ABCA8: variants seen among roughly 807,000 people sequenced by gnomAD.
The protein encoded by ABCA8 is ATP binding cassette subfamily A member 8, also known as ABC-type organic anion transporter ABCA8.
A neutral mutation model predicts 192.3 loss-of-function variants in ABCA8; 177 were observed. The observed-to-expected ratio is 0.92, with a 90% CI of 0.81 to 1.04. ABCA8 has a LOEUF of 1.04. Among genes scored for constraint, ABCA8 ranks in the 50% least tolerant of loss-of-function variants. The pLI is 0.00. For synonymous variants in ABCA8, 642 were observed against 690.2 expected, an observed-to-expected ratio of 0.93 and a Z score of 1.09; for missense variants, 1,915 against 1,904.8, an observed-to-expected ratio of 1.01 and a Z score of -0.10.
intron 24 of ABCA8, among the ~76,000 whole-genome samples, chr17:68,888,349 T>G (rs2066543591): frequency 6.6e-6 from 1 of 152,150 alleles, no homozygotes; most frequent in Non-Finnish European, 1.5e-5. Flanking sequence ...GTTTGTATAT[T>G]AAACTATTCT....
intron 24 of ABCA8, among the ~76,000 whole-genome samples, chr17:68,888,043 AT>A (rs1479610895): frequency 1.4e-5 from 2 of 143,840 alleles, no homozygotes; most frequent in African/African-American, 5.1e-5. Context: ...ATGTGTGTTT[AT>A]TTTATATACA....
chr17:68,952,895 C>T (rs1383834081), intron 1 of ABCA8, among the ~76,000 whole-genome samples: 2 of 152,004 alleles, frequency 1.3e-5, no homozygotes, highest in South Asian at 4.1e-4. Context: ...GTGATTGTTT[C>T]TGGGTATGTC....
rs147660337 is a variant in ABCA8, at chr17:68,933,934, G to T, written c.467-663C>A. Among the ~76,000 whole-genome samples the T allele has an allele frequency of 3.2e-4, 48 of 152,032 alleles. No individual in the cohort carries two copies. In the East Asian group the frequency reaches 8.1e-3, roughly 26 times the overall value. On this transcript the variant is annotated intron_variant, in intron 5 of 39. Coordinates refer to ENST00000586539, the MANE Select transcript of ABCA8 (RefSeq NM_001288985.2). ...AATGATATAAAAATACAATAAACAC[G>T]CATGGACTCACTACAAATTTGCAAA...
chr17:68,916,136 G>A (rs2067354431), intron 17 of ABCA8, among the ~76,000 whole-genome samples: 2 of 152,084 alleles, frequency 1.3e-5, no homozygotes, highest in African/African-American at 4.8e-5. Flanking sequence ...GGGTAGTGGG[G>A]TGGTGGGGAA....
At chr17:68,910,636 C>A (rs574185749) in intron 17 of ABCA8, among the ~76,000 whole-genome samples, 1 of 152,160 alleles carries the variant, frequency 6.6e-6, no homozygotes, top group African/African-American at 2.4e-5. Flanking sequence ...TTCACCCCCT[C>A]CCCCAACACC....
At chr17:68,937,483 T>C (rs746253189) in intron 4 of ABCA8, among the ~76,000 whole-genome samples, 7 of 152,190 alleles carry the variant, frequency 4.6e-5, no homozygotes, top group Non-Finnish European at 8.8e-5. Context: ...GGCACTGTTT[T>C]GTATCAGGTG....
chr17:68,931,950 CCTGTAATCCCAGCA>C, intron 7 of ABCA8: 1 of 192,928 alleles, frequency 5.2e-6, no homozygotes, highest in Non-Finnish European at 1.1e-5. Context: ...GTGGCTCGCG[CCTGTAATCCCAGCA>C]CTTTGGGAGG....
chr17:68,921,587 G>C lies in ABCA8; in HGVS notation c.1502-95C>G, dbSNP rs1327088567. 9 of 643,550 alleles carry C rather than the reference G, an allele frequency of 1.4e-5. No homozygotes were observed. In the East Asian group the frequency reaches 2.2e-4, roughly 16 times the overall value. 39.9% of individuals were successfully genotyped at this position (643,550 alleles called of 1,614,324 possible). ...TATTCCATTATGGAGCCAATGAATTGTTATTAATTCTCTTGAATGGTTGTC... is the reference window on the plus strand; with the variant it reads ...TATTCCATTATGGAGCCAATGAATTCTTATTAATTCTCTTGAATGGTTGTC... On this transcript the variant is annotated intron_variant, in intron 12 of 39. Transcript: ENST00000586539.
chr17:68,874,329 T>TA (rs2066146262), intron 37 of ABCA8, among the ~76,000 whole-genome samples: 1 of 152,238 alleles, frequency 6.6e-6, no homozygotes, highest in African/African-American at 2.4e-5. Context: ...ACTGCCTTCC[T>TA]AATAGAGGAT....
chr17:68,878,856 C>T (rs1056047884), intron 32 of ABCA8: 1 of 152,208 alleles, frequency 6.6e-6, no homozygotes, highest in Non-Finnish European at 1.5e-5. Flanking sequence ...TCTCTTCTTT[C>T]ATTAGTGGAG....
At chr17:68,916,742 G>A (rs1033545348) in intron 17 of ABCA8, among the ~76,000 whole-genome samples, 8 of 152,174 alleles carry the variant, frequency 5.3e-5, no homozygotes, top group Admixed American at 1.3e-4. Flanking sequence ...CTGGGAAGAT[G>A]AGAGATGATG....
At chr17:68,926,866 T>C (rs1421181082) in intron 10 of ABCA8, among the ~76,000 whole-genome samples, 1 of 152,198 alleles carries the variant, frequency 6.6e-6, no homozygotes, top group East Asian at 1.9e-4. Context: ...TGTGTATTCA[T>C]TGCTTTTTGA....
At chr17:68,928,948 A>T in intron 9 of ABCA8, 101 bp downstream of exon 9, 2 of 1,024,306 alleles carry the variant, frequency 2.0e-6, no homozygotes, top group African/African-American at 1.6e-5. Flanking sequence ...CTAGAATTTT[A>T]AGCCTTACAA....
intron 20 of ABCA8, 139 bp from the exon 21 acceptor site, chr17:68,903,018 C>T: frequency 2.4e-6 from 2 of 833,156 alleles, no homozygotes; most frequent in Non-Finnish European, 3.6e-6. Flanking sequence ...AGTATTTTGT[C>T]CTTTTACTAA....
intron 37 of ABCA8, 51 bp downstream of exon 37, chr17:68,875,209 C>T: frequency 6.2e-7 from 1 of 1,607,716 alleles, no homozygotes; most frequent in Non-Finnish European, 8.5e-7. Context: ...ACATAACTGA[C>T]AAGTAACAGT....
chr17:68,868,945 C>A (rs1221456858), intron 38 of ABCA8, among the ~76,000 whole-genome samples: 1 of 151,962 alleles, frequency 6.6e-6, no homozygotes, highest in South Asian at 2.1e-4. Flanking sequence ...GACTACGTGG[C>A]CCAGAAAGTT....
At chr17:68,949,608 C>T (rs1238653173) in intron 1 of ABCA8, 136 bp from the exon 2 acceptor site, 4 of 152,192 alleles carry the variant, frequency 2.6e-5, no homozygotes, top group Non-Finnish European at 5.9e-5. Context: ...GATCAAGTCG[C>T]TTCATCCCTG....
At chr17:68,941,569 A>G (rs894792687) in intron 3 of ABCA8, among the ~76,000 whole-genome samples, 2 of 152,170 alleles carry the variant, frequency 1.3e-5, no homozygotes, top group Non-Finnish European at 2.9e-5. Flanking sequence ...TCTCAAAGAG[A>G]AAATGCCAGT....
In ABCA8 at chr17:68,907,792, G is replaced by A. The variant is rs150343586; in HGVS notation, c.2226C>T (p.Ser742=). The A allele has an allele frequency of 1.7e-5, 28 of 1,606,114 alleles. 1 individual carries two copies. The highest frequency in any genetic ancestry group is 3.4e-4 in the Middle Eastern group (2 of 5,962). The change falls in exon 18 of 40, where the codon AGC becomes AGT. Residue 742 remains serine (S), a synonymous_variant. Coordinates refer to ENST00000586539, the MANE Select transcript of ABCA8 (RefSeq NM_001288985.2). ...GTAATGTATAAATAAGTTTTCCTTC[G>A]CTTTTGGCTGATAATTTGGCATCAG... ...HIPDAKLSAK[S]EGKLIYTLPL... is the part of the protein sequence containing the mutation.
Sources: allele counts gnomAD v4.1 joint callset (sites outside exome capture counted in the v4.1 genomes callset), GRCh38; gene constraint gnomAD v4.1.1; transcripts MANE v1.5; gene names NCBI Gene and HGNC (gene_info 2026-07-23, HGNC 2026-07-21).